The following CHCHD6 variants were observed in gnomAD, a reference collection of about 807,000 sequenced individuals.
CHCHD6 encodes the protein MICOS complex subunit MIC25.
In CHCHD6, 28 loss-of-function variants were observed where a neutral mutation model predicts 32.3. That is an observed-to-expected ratio of 0.87 (90% CI 0.64 to 1.19). The LOEUF is 1.19. Ranked by LOEUF, CHCHD6 falls within the 50% of genes most tolerant of loss-of-function variation. The pLI is 0.00. For synonymous variants in CHCHD6, 122 were observed against 117.5 expected (o/e 1.04, Z -0.25); for missense variants, 333 against 307.0 (o/e 1.08, Z -0.63).
intron 4 of CHCHD6, among the ~76,000 whole-genome samples, chr3:126,800,192 A>G (rs1022894774): frequency 6.6e-6 from 1 of 152,232 alleles, no homozygotes; most frequent in African/African-American, 2.4e-5. Context: ...AGGAAAGATA[A>G]AACTCAACGA....
intron 4 of CHCHD6, among the ~76,000 whole-genome samples, chr3:126,755,456 C>T (rs954304449): frequency 1.3e-5 from 2 of 152,136 alleles, no homozygotes; most frequent in South Asian, 4.1e-4. Flanking sequence ...GGCTCTGCAG[C>T]ACAGCAGGTA....
chr3:126,787,306 G>C (rs1168008457), intron 4 of CHCHD6, among the ~76,000 whole-genome samples: 2 of 152,062 alleles, frequency 1.3e-5, no homozygotes, highest in Admixed American at 1.3e-4. Context: ...TTGGCAATGC[G>C]GGCTCTTTTT....
chr3:126,733,004 G>A (rs995796711), intron 3 of CHCHD6, 74 bp from the exon 4 acceptor site: 24 of 1,531,758 alleles, frequency 1.6e-5, no homozygotes, highest in African/African-American at 5.5e-5. Flanking sequence ...AAGTGAGTGC[G>A]CAGATCTTGT....
intron 5 of CHCHD6, among the ~76,000 whole-genome samples, chr3:126,883,979 T>C (rs1467978563): frequency 2.0e-5 from 3 of 151,702 alleles, no homozygotes; most frequent in Non-Finnish European, 4.4e-5. Flanking sequence ...TATTTTGTCT[T>C]CTGTTCCCAT....
At chr3:126,855,216 T>C (rs1941620560) in intron 5 of CHCHD6, among the ~76,000 whole-genome samples, 1 of 152,168 alleles carries the variant, frequency 6.6e-6, no homozygotes, top group African/African-American at 2.4e-5. Flanking sequence ...TTATGGCACC[T>C]GAAGAAGCAG....
chr3:126,933,961 G>A (rs534589317), intron 6 of CHCHD6, among the ~76,000 whole-genome samples: 126 of 152,098 alleles, frequency 8.3e-4, no homozygotes, highest in Non-Finnish European at 1.3e-3. Flanking sequence ...TCTCACACTC[G>A]CTCTGCCTAT....
At chr3:126,940,011 A>G (rs1310004072) in intron 6 of CHCHD6, among the ~76,000 whole-genome samples, 1 of 152,220 alleles carries the variant, frequency 6.6e-6, no homozygotes, top group Non-Finnish European at 1.5e-5. Flanking sequence ...ATGTAGATTT[A>G]GTGTCCACAC....
At chr3:126,754,740 G>C (rs994465880) in intron 4 of CHCHD6, among the ~76,000 whole-genome samples, 1 of 152,198 alleles carries the variant, frequency 6.6e-6, no homozygotes, top group Non-Finnish European at 1.5e-5. Flanking sequence ...CGTCCCTCCA[G>C]ATGAATTTTG....
chr3:126,862,434 C>T (rs1425171284), intron 5 of CHCHD6, among the ~76,000 whole-genome samples: 3 of 137,948 alleles, frequency 2.2e-5, no homozygotes, highest in Non-Finnish European at 3.1e-5. Flanking sequence ...CCACCTCCTC[C>T]TCCTCCACCA....
chr3:126,914,742 C>T lies in CHCHD6; in HGVS notation c.558C>T (p.Ser186=), dbSNP rs903257453. 5.1e-6 allele frequency: 8 copies of T among 1,555,200 alleles called. No homozygotes were observed. The highest frequency in any genetic ancestry group is 3.3e-5 in the Admixed American group (2 of 59,942). The part of the protein sequence containing the change: ...QFHEAASKME[S]TIKPRRVEPV... ...ATGAGGCAGCCTCAAAGATGGAGAG[C>T]ACAATAAAGTAAGAATTTGTTTATT... The change falls in exon 6 of 8, where the codon AGC becomes AGT. Residue 186 remains serine, a synonymous_variant. Coordinates refer to ENST00000290913, the MANE Select transcript of CHCHD6 (RefSeq NM_032343.3).
At chr3:126,733,425 C>T (rs1935903773) in intron 4 of CHCHD6, among the ~76,000 whole-genome samples, 2 of 152,182 alleles carry the variant, frequency 1.3e-5, no homozygotes, top group Admixed American at 6.5e-5. Context: ...CAGTGATTTG[C>T]TTTGCTGCCT....
intron 4 of CHCHD6, among the ~76,000 whole-genome samples, chr3:126,784,282 C>T (rs1314696602): frequency 2.6e-5 from 4 of 152,190 alleles, no homozygotes; most frequent in African/African-American, 7.2e-5. Context: ...CTGTTTTGCT[C>T]TTCGTGCTCT....
intron 1 of CHCHD6, among the ~76,000 whole-genome samples, chr3:126,709,906 A>G (rs1559796962): frequency 6.6e-6 from 1 of 152,204 alleles, no homozygotes; most frequent in Non-Finnish European, 1.5e-5. Context: ...TGCAAATACT[A>G]TGCCATTTTA....
rs567407134 is a variant in CHCHD6, at chr3:126,865,901, C to T, written c.495+13171C>T. 8.5e-5 allele frequency among the ~76,000 whole-genome samples: 13 copies of T among 152,332 alleles called. No homozygotes were observed. The South Asian group carries it at 2.5e-3, about 29-fold the overall frequency. ...GGCCCTCCTGGGCCTTGCAACCAGG[C>T]TTCTCTAGGGTAGTTGTCTGTGCCA... On this transcript the variant is annotated intron_variant, in intron 5 of 7. Transcript: ENST00000290913.
chr3:126,871,631 C>T (rs2077472400), intron 5 of CHCHD6, among the ~76,000 whole-genome samples: 1 of 150,282 alleles, frequency 6.7e-6, no homozygotes, highest in African/African-American at 2.4e-5. Flanking sequence ...GAGCTGAGGA[C>T]AGCTTATGCT....
At position 126,875,953 on chromosome 3, in the gene CHCHD6, A is replaced by G. The variant is rs142413725; in HGVS notation, c.495+23223A>G. Among the ~76,000 whole-genome samples, 298 of 152,336 alleles carry G rather than the reference A, an allele frequency of 2.0e-3. 2 individuals are homozygous for G. The highest frequency in any genetic ancestry group is 6.8e-3 in the African/African-American group (283 of 41,584). ...CTTGTTAAAATGGTCAGACTCAGCT[A>G]TTATTTTTTGATATGCTAATGGCAT... On this transcript the variant is annotated intron_variant, in intron 5 of 7. Coordinates refer to ENST00000290913, the MANE Select transcript of CHCHD6 (RefSeq NM_032343.3).
chr3:126,954,469 A>G (rs778971140), intron 6 of CHCHD6, among the ~76,000 whole-genome samples: 3 of 152,204 alleles, frequency 2.0e-5, no homozygotes, highest in African/African-American at 7.2e-5. Context: ...CTCCAGCTCC[A>G]TGAGGCTCAG....
intron 4 of CHCHD6, among the ~76,000 whole-genome samples, chr3:126,745,850 G>A (rs1458575961): frequency 2.0e-5 from 3 of 152,218 alleles, no homozygotes; most frequent in African/African-American, 4.8e-5. Flanking sequence ...GCTGATGCCA[G>A]GACTGGCTTG....
At chr3:126,883,780 A>G (rs1028635611) in intron 5 of CHCHD6, among the ~76,000 whole-genome samples, 4 of 152,210 alleles carry the variant, frequency 2.6e-5, no homozygotes, top group Non-Finnish European at 4.4e-5. Flanking sequence ...AATAATGCTT[A>G]GTATCTGTCT....
Sources: gnomAD v4.1 joint callset for allele counts (sites outside exome capture counted in the v4.1 genomes callset) on GRCh38, gnomAD v4.1.1 for gene constraint, MANE v1.5 for transcripts, NCBI Gene and HGNC (gene_info 2026-07-23, HGNC 2026-07-21) for gene names.